Variants in PDGFC observed in about 807,000 individuals in gnomAD.
PDGFC encodes the protein platelet-derived growth factor C.
PDGFC carries 12 observed loss-of-function variants against 35.5 expected under a neutral mutation model. The observed-to-expected ratio is 0.34, with a 90% CI of 0.22 to 0.55. PDGFC has a LOEUF of 0.55. Among genes scored for constraint, PDGFC ranks in the 20% least tolerant of loss-of-function variants. The pLI, the probability that PDGFC is intolerant of heterozygous loss-of-function variation, is 0.91. For missense variants in PDGFC, 322 were observed against 412.4 expected (o/e 0.78, Z 1.90); for synonymous variants, 159 against 148.8 (o/e 1.07, Z -0.50).
intron 1 of PDGFC, among the ~76,000 whole-genome samples, chr4:156,955,575 GA>G (rs1191603401): frequency 2.0e-5 from 3 of 151,768 alleles, no homozygotes; most frequent in Non-Finnish European, 4.4e-5. Flanking sequence ...ATAATAATAC[GA>G]AAAATGTAAA....
chr4:156,767,040 T>G (rs1257316761), intron 5 of PDGFC, among the ~76,000 whole-genome samples: 1 of 152,090 alleles, frequency 6.6e-6, no homozygotes, highest in South Asian at 2.1e-4. Context: ...GTTAATGTTT[T>G]GTAGAAATTC....
intron 3 of PDGFC, among the ~76,000 whole-genome samples, chr4:156,805,378 C>T (rs758778800): frequency 1.3e-5 from 2 of 152,024 alleles, no homozygotes; most frequent in Non-Finnish European, 2.9e-5. Flanking sequence ...CAAATTTTCT[C>T]TTAATTCTCG....
rs148471072 is a variant in PDGFC at position 156,863,798 on chromosome 4, C to T, written c.119-13382G>A. ...AACTTAGAGAAGACAAGAGATCATT[C>T]CAAATGTGTTCACTGATGAGGGTTA... On this transcript the variant is annotated intron_variant, in intron 1 of 5. Coordinates refer to ENST00000502773, the MANE Select transcript of PDGFC (RefSeq NM_016205.3). Among the ~76,000 whole-genome samples, 488 of 152,168 alleles carry T rather than the reference C, an allele frequency of 3.2e-3. 2 individuals are homozygous for T. The highest frequency in any genetic ancestry group is 4.8e-3 in the Non-Finnish European group (327 of 67,982).
At chr4:156,764,189 C>T (rs1219183258) in intron 5 of PDGFC, among the ~76,000 whole-genome samples, 1 of 152,092 alleles carries the variant, frequency 6.6e-6, no homozygotes, top group Non-Finnish European at 1.5e-5. Flanking sequence ...TAAAAGCTAC[C>T]AGTCCTAAAA....
chr4:156,793,218 C>G, intron 3 of PDGFC, among the ~76,000 whole-genome samples: 1 of 151,828 alleles, frequency 6.6e-6, no homozygotes, highest in East Asian at 1.9e-4. Flanking sequence ...TTTCTAAAGT[C>G]CATTTTAGAT....
intron 3 of PDGFC, among the ~76,000 whole-genome samples, chr4:156,783,871 G>A (rs1047210847): frequency 2.0e-5 from 3 of 152,194 alleles, no homozygotes; most frequent in African/African-American, 7.2e-5. Flanking sequence ...CAAAGTACAT[G>A]ACCATGGTAG....
chr4:156,946,443 T>C (rs904733966), intron 1 of PDGFC, among the ~76,000 whole-genome samples: 3 of 152,104 alleles, frequency 2.0e-5, no homozygotes, highest in Admixed American at 6.6e-5. Context: ...AAGCATGCTA[T>C]AGTGAGGTTT....
At chr4:156,831,539 G>A (rs1728934109) in intron 2 of PDGFC, among the ~76,000 whole-genome samples, 1 of 147,234 alleles carries the variant, frequency 6.8e-6, no homozygotes, top group African/African-American at 2.6e-5. Flanking sequence ...CACCTCCCGA[G>A]TTACAGCAAT....
chr4:156,848,862 G>A (rs1420166809), intron 2 of PDGFC, among the ~76,000 whole-genome samples: 1 of 151,896 alleles, frequency 6.6e-6, no homozygotes, highest in Non-Finnish European at 1.5e-5. Flanking sequence ...GTTAACCTGT[G>A]GGAACTGGAA....
At chr4:156,947,038 T>C (rs1351305724) in intron 1 of PDGFC, among the ~76,000 whole-genome samples, 1 of 152,040 alleles carries the variant, frequency 6.6e-6, no homozygotes, top group Non-Finnish European at 1.5e-5. Flanking sequence ...AAAGCAGTGT[T>C]AATGAGTCAA....
chr4:156,956,697 T>C (rs186474472), intron 1 of PDGFC, among the ~76,000 whole-genome samples: 5 of 152,192 alleles, frequency 3.3e-5, no homozygotes, highest in East Asian at 3.9e-4. Flanking sequence ...TACCTAAAAA[T>C]AGCAATGTTA....
chr4:156,780,236 T>C (rs1208103038), intron 3 of PDGFC, among the ~76,000 whole-genome samples: 1 of 151,918 alleles, frequency 6.6e-6, no homozygotes, highest in Non-Finnish European at 1.5e-5. Flanking sequence ...TCGCAGGAAT[T>C]TTTTTCCTAA....
chr4:156,921,424 T>A (rs1026967662), intron 1 of PDGFC, among the ~76,000 whole-genome samples: 2 of 152,042 alleles, frequency 1.3e-5, no homozygotes, highest in African/African-American at 2.4e-5. Flanking sequence ...ATTTGGTTAT[T>A]AAGAGAATGC....
chr4:156,876,992 C>T (rs1250667664), intron 1 of PDGFC, among the ~76,000 whole-genome samples: 2 of 152,034 alleles, frequency 1.3e-5, no homozygotes, highest in Non-Finnish European at 2.9e-5. Context: ...AAAAACAATA[C>T]AACCTGAAAA....
At chr4:156,967,087 G>A (rs1023975376) in intron 1 of PDGFC, among the ~76,000 whole-genome samples, 3 of 148,836 alleles carry the variant, frequency 2.0e-5, no homozygotes, top group Admixed American at 1.3e-4. Context: ...AAAAGGTCAC[G>A]CAATAAAACT....
intron 3 of PDGFC, among the ~76,000 whole-genome samples, chr4:156,795,722 T>C (rs1249703218): frequency 6.6e-6 from 1 of 152,208 alleles, no homozygotes; most frequent in Non-Finnish European, 1.5e-5. Flanking sequence ...TTACATATTG[T>C]ATAGTTAAAT....
chr4:156,876,112 C>CAAACA (rs1730111083), intron 1 of PDGFC, among the ~76,000 whole-genome samples: 1 of 152,094 alleles, frequency 6.6e-6, no homozygotes, highest in African/African-American at 2.4e-5. Context: ...TGAAAAACCA[C>CAAACA]AAACAAAACA....
intron 3 of PDGFC, among the ~76,000 whole-genome samples, chr4:156,802,060 A>G (rs1409651816): frequency 1.3e-5 from 2 of 152,160 alleles, no homozygotes; most frequent in African/African-American, 4.8e-5. Flanking sequence ...TGTGGTTACT[A>G]TATACTCCCT....
At chr4:156,906,632 AGCACGG>A (rs1730921549) in intron 1 of PDGFC, among the ~76,000 whole-genome samples, 1 of 152,148 alleles carries the variant, frequency 6.6e-6, no homozygotes, top group East Asian at 1.9e-4. Flanking sequence ...AAAAATCTTG[AGCACGG>A]ACAAAGGTTT....
Sources: gnomAD v4.1 joint callset for allele counts (sites outside exome capture counted in the v4.1 genomes callset) on GRCh38, gnomAD v4.1.1 for gene constraint, MANE v1.5 for transcripts, NCBI Gene and HGNC (gene_info 2026-07-23, HGNC 2026-07-21) for gene names.